Variants in RARB observed in about 807,000 individuals in gnomAD.
RARB encodes HBV-activated protein.
A neutral mutation model predicts 51.9 loss-of-function variants in RARB; 17 were observed. That is an observed-to-expected ratio of 0.33 (90% CI 0.22 to 0.49). The LOEUF (loss-of-function observed/expected upper bound fraction) is 0.49. RARB is among the 20% of genes least tolerant of loss of function. RARB has a pLI of 0.99. For missense variants in RARB, 369 were observed against 550.8 expected (o/e 0.67, Z 3.30); for synonymous variants, 215 against 195.4 (o/e 1.10, Z -0.84).
intron 5 of RARB, among the ~76,000 whole-genome samples, chr3:25,200,289 G>GTT (rs779240133): frequency 6.8e-6 from 1 of 146,278 alleles, no homozygotes; most frequent in African/African-American, 2.5e-5. Flanking sequence ...TTTCTGGTGG[G>GTT]TTTTTTTTTT....
Position 24,852,876 on chromosome 3 carries a change from T to G in RARB, c.-458-5798T>G, listed in dbSNP as rs185812248. Among the ~76,000 whole-genome samples, 3 of 152,262 alleles carry G rather than the reference T, an allele frequency of 2.0e-5. No homozygotes were observed. The East Asian group carries it at 5.8e-4, about 29-fold the overall frequency. Reference sequence around the variant, plus strand: ...TACAAATTGGCCCAGGGTTATTTTTTGGGGGGTTGTGGTGATGATGGAAAT... The same window carrying G: ...TACAAATTGGCCCAGGGTTATTTTTGGGGGGGTTGTGGTGATGATGGAAAT... On this transcript the variant is annotated intron_variant, in intron 1 of 11. Coordinates refer to the RARB transcript ENST00000383772.
At chr3:25,217,315 T>C (rs1033105814) in intron 5 of RARB, among the ~76,000 whole-genome samples, 2 of 152,188 alleles carry the variant, frequency 1.3e-5, no homozygotes, top group African/African-American at 4.8e-5. Flanking sequence ...TTTATTATTT[T>C]TGTATCATTA....
chr3:25,212,983 C>T (rs1701735218), intron 5 of RARB, among the ~76,000 whole-genome samples: 1 of 152,186 alleles, frequency 6.6e-6, no homozygotes, highest in African/African-American at 2.4e-5. Flanking sequence ...TCTCATATTT[C>T]ACTCTCAGGA....
chr3:25,157,002 T>A (rs902084926), intron 4 of RARB, among the ~76,000 whole-genome samples: 1 of 152,214 alleles, frequency 6.6e-6, no homozygotes, highest in African/African-American at 2.4e-5. Flanking sequence ...ATGACCACGT[T>A]CATACGTTTG....
intron 5 of RARB, among the ~76,000 whole-genome samples, chr3:25,347,307 A>T (rs562222339): frequency 7.2e-5 from 11 of 152,208 alleles, no homozygotes; most frequent in Non-Finnish European, 1.2e-4. Context: ...TGAAAAATGG[A>T]TGAGGCTTTC....
At chr3:25,335,742 ACT>A (rs1443975508) in intron 5 of RARB, among the ~76,000 whole-genome samples, 2 of 151,944 alleles carry the variant, frequency 1.3e-5, no homozygotes, top group Admixed American at 6.6e-5. Flanking sequence ...GGACAGGGAG[ACT>A]CTGTTTCTGC....
chr3:25,309,928 C>G (rs1704248959), intron 5 of RARB, among the ~76,000 whole-genome samples: 1 of 152,168 alleles, frequency 6.6e-6, no homozygotes. Context: ...TTAAAGAAAA[C>G]TAAAGGCACT....
chr3:24,949,611 T>A (rs1695847290), intron 2 of RARB, among the ~76,000 whole-genome samples: 1 of 152,226 alleles, frequency 6.6e-6, no homozygotes, highest in Admixed American at 6.5e-5. Context: ...TTGAATCCTT[T>A]GATTGTATTG....
At chr3:25,202,825 T>C (rs1283334383) in intron 5 of RARB, among the ~76,000 whole-genome samples, 3 of 152,238 alleles carry the variant, frequency 2.0e-5, no homozygotes, top group Non-Finnish European at 4.4e-5. Flanking sequence ...TCTGTTCTTT[T>C]ACTTTTGCTG....
chr3:24,960,060 G>A (rs1696105059), intron 2 of RARB, among the ~76,000 whole-genome samples: 1 of 152,098 alleles, frequency 6.6e-6, no homozygotes, highest in African/African-American at 2.4e-5. Flanking sequence ...ATTGCAGCAG[G>A]GGAAAAGATG....
intron 3 of RARB, among the ~76,000 whole-genome samples, chr3:25,072,163 T>C (rs1698780296): frequency 6.6e-6 from 1 of 152,236 alleles, no homozygotes; most frequent in Admixed American, 6.5e-5. Context: ...AGTCCTCTCA[T>C]TGCCTCAAAA....
At chr3:24,946,166 G>A (rs999658740) in intron 2 of RARB, among the ~76,000 whole-genome samples, 7 of 151,198 alleles carry the variant, frequency 4.6e-5, no homozygotes, top group African/African-American at 1.7e-4. Flanking sequence ...TCGGGAGACT[G>A]AGGAAGGAGA....
At chr3:25,107,497 C>T (rs571812864) in intron 3 of RARB, among the ~76,000 whole-genome samples, 51 of 152,162 alleles carry the variant, frequency 3.4e-4, no homozygotes, top group Admixed American at 2.0e-3. Context: ...TACTAAAATT[C>T]ATGCATATAT....
At chr3:25,053,347 A>G (rs1308764590) in intron 2 of RARB, among the ~76,000 whole-genome samples, 2 of 152,150 alleles carry the variant, frequency 1.3e-5, no homozygotes, top group East Asian at 3.9e-4. Flanking sequence ...CTCTCACAAG[A>G]CTGCAAGCTT....
intron 5 of RARB, among the ~76,000 whole-genome samples, chr3:25,208,860 G>T (rs1701626336): frequency 1.3e-5 from 2 of 152,106 alleles, no homozygotes; most frequent in Admixed American, 1.3e-4. Flanking sequence ...GGAAGCGCCT[G>T]CCTACTTCAT....
chr3:25,157,312 GCTTC>G (rs1700391560), intron 4 of RARB, among the ~76,000 whole-genome samples: 1 of 151,372 alleles, frequency 6.6e-6, no homozygotes, highest in South Asian at 2.1e-4. Flanking sequence ...AATAATTAGT[GCTTC>G]CTTAGTGCGA....
At chr3:24,912,819 G>C (rs985623069) in intron 2 of RARB, among the ~76,000 whole-genome samples, 1 of 151,884 alleles carries the variant, frequency 6.6e-6, no homozygotes, top group Non-Finnish European at 1.5e-5. Context: ...TTCTATCCTT[G>C]TGTATAAGAG....
At chr3:25,015,632 C>T (rs1697492548) in intron 2 of RARB, among the ~76,000 whole-genome samples, 2 of 152,158 alleles carry the variant, frequency 1.3e-5, no homozygotes. Context: ...TTCCCACAGC[C>T]TCCCTCTTGA....
chr3:25,379,752 TA>T lies in RARB; in HGVS notation c.179-81439del, dbSNP rs1271309351. Among the ~76,000 whole-genome samples the T allele has an allele frequency of 2.0e-5, 3 of 152,172 alleles. No individual in the cohort carries two copies. The East Asian group carries it at 5.8e-4, about 29-fold the overall frequency. Reference sequence around the variant, plus strand: ...CTGAGACATTGTTTATTTTACATTATAACATCTCTCAAATTGAGGTATATCT... The same window carrying T: ...CTGAGACATTGTTTATTTTACATTATACATCTCTCAAATTGAGGTATATCT... On this transcript the variant is annotated intron_variant, in intron 5 of 11. Coordinates refer to the RARB transcript ENST00000383772.
Sources: gnomAD v4.1 joint callset for allele counts (sites outside exome capture counted in the v4.1 genomes callset) on GRCh38, gnomAD v4.1.1 for gene constraint, MANE v1.5 for transcripts, NCBI Gene and HGNC (gene_info 2026-07-23, HGNC 2026-07-21) for gene names.